The following GRIP1 variants were observed in gnomAD, a reference collection of about 807,000 sequenced individuals.
GRIP1 encodes glutamate receptor interacting protein 1.
GRIP1 carries 45 observed loss-of-function variants against 129.9 expected under a neutral mutation model. The ratio of observed to expected loss-of-function variants is 0.35; its 90% CI spans 0.27 to 0.44. GRIP1 has a LOEUF of 0.44. GRIP1 is among the 20% of genes least tolerant of loss of function. The probability of loss-of-function intolerance (pLI) is 1.00; values close to 1 mark genes in which losing one functional copy is unlikely to be tolerated. For synonymous variants in GRIP1, 530 were observed against 520.8 expected (o/e 1.02, Z -0.24); for missense variants, 1,196 against 1,396.8 (o/e 0.86, Z 2.29).
At chr12:66,439,291 T>C (rs2058404300) in intron 13 of GRIP1, among the ~76,000 whole-genome samples, 1 of 152,186 alleles carries the variant, frequency 6.6e-6, no homozygotes, top group Non-Finnish European at 1.5e-5. Flanking sequence ...CACTCCACTT[T>C]TACAAATCAC....
At chr12:66,544,949 T>C (rs754194558) in intron 2 of GRIP1, among the ~76,000 whole-genome samples, 7 of 152,194 alleles carry the variant, frequency 4.6e-5, no homozygotes, top group Non-Finnish European at 8.8e-5. Flanking sequence ...GAACAAACAC[T>C]GTGGTAAAAC....
chr12:66,725,918 T>C (rs1358670188), intron 1 of GRIP1, among the ~76,000 whole-genome samples: 1 of 152,136 alleles, frequency 6.6e-6, no homozygotes, highest in Non-Finnish European at 1.5e-5. Context: ...ACCCCTTCTT[T>C]TAAAAGGAAA....
At chr12:66,450,051 A>G (rs1371457345) in intron 11 of GRIP1, among the ~76,000 whole-genome samples, 1 of 152,060 alleles carries the variant, frequency 6.6e-6, no homozygotes, top group Non-Finnish European at 1.5e-5. Context: ...CTGTAATCCC[A>G]GCACTTTGGG....
At chr12:66,734,418 T>C (rs1018187165) in intron 1 of GRIP1, among the ~76,000 whole-genome samples, 23 of 152,286 alleles carry the variant, frequency 1.5e-4, no homozygotes, top group African/African-American at 5.5e-4. Context: ...TTCAGGTCTA[T>C]GAACTGTCAG....
chr12:66,770,522 T>C (rs1758400254), intron 1 of GRIP1, among the ~76,000 whole-genome samples: 3 of 152,198 alleles, frequency 2.0e-5, no homozygotes, highest in East Asian at 1.9e-4. Context: ...AAAAAGATTA[T>C]GGGAAATAGC....
intron 1 of GRIP1, among the ~76,000 whole-genome samples, chr12:66,689,498 A>G (rs1323318572): frequency 6.6e-6 from 1 of 152,202 alleles, no homozygotes; most frequent in Non-Finnish European, 1.5e-5. Flanking sequence ...TTCAAAAGGC[A>G]TATGCAGGAG....
intron 1 of GRIP1, among the ~76,000 whole-genome samples, chr12:66,854,054 C>A (rs2039960977): frequency 6.6e-6 from 1 of 151,894 alleles, no homozygotes; most frequent in African/African-American, 2.4e-5. Flanking sequence ...AATTTATGAG[C>A]AGGAGATTTA....
chr12:66,760,029 T>A (rs1311856673), intron 1 of GRIP1, among the ~76,000 whole-genome samples: 1 of 152,108 alleles, frequency 6.6e-6, no homozygotes, highest in Non-Finnish European at 1.5e-5. Flanking sequence ...TAAGTTTTTG[T>A]GTTTTTAGTA....
chr12:66,880,571 A>C (rs1342022160), intron 1 of GRIP1, among the ~76,000 whole-genome samples: 1 of 152,128 alleles, frequency 6.6e-6, no homozygotes, highest in Non-Finnish European at 1.5e-5. Context: ...TATTTATTTT[A>C]AAATTATTTA....
chr12:66,781,281 T>C (rs149579363), intron 1 of GRIP1, among the ~76,000 whole-genome samples: 86 of 152,346 alleles, frequency 5.6e-4, no homozygotes, highest in African/African-American at 2.0e-3. Context: ...ATGGCATCTC[T>C]TGCTAGAAAA....
At chr12:66,751,926 A>C (rs748314860) in intron 1 of GRIP1, among the ~76,000 whole-genome samples, 1 of 152,146 alleles carries the variant, frequency 6.6e-6, no homozygotes, top group Non-Finnish European at 1.5e-5. Context: ...ACCTTGCTGC[A>C]ATTTCAAATA....
chr12:66,473,557 C>T (rs1454310935), intron 7 of GRIP1, among the ~76,000 whole-genome samples: 2 of 152,172 alleles, frequency 1.3e-5, no homozygotes, highest in Non-Finnish European at 2.9e-5. Flanking sequence ...CAGCAGGGGT[C>T]GACAGACACC....
intron 1 of GRIP1, among the ~76,000 whole-genome samples, chr12:67,047,681 T>C (rs755618634): frequency 6.6e-6 from 1 of 152,224 alleles, no homozygotes; most frequent in Non-Finnish European, 1.5e-5. Context: ...ACCGAAGCAC[T>C]GCACATTTAG....
intron 1 of GRIP1, among the ~76,000 whole-genome samples, chr12:66,764,694 GTT>G (rs1367119099): frequency 2.0e-5 from 3 of 152,222 alleles, no homozygotes; most frequent in South Asian, 4.2e-4. Context: ...GGGAGTTTGT[GTT>G]TTCTCTCCCT....
intron 1 of GRIP1, among the ~76,000 whole-genome samples, chr12:66,779,289 AATC>A (rs1202110147): frequency 1.3e-5 from 2 of 152,192 alleles, no homozygotes; most frequent in African/African-American, 2.4e-5. Context: ...TGAAAATAAA[AATC>A]ATGTGTAATG....
intron 1 of GRIP1, among the ~76,000 whole-genome samples, chr12:66,929,097 A>G (rs1237190573): frequency 6.6e-6 from 1 of 152,224 alleles, no homozygotes; most frequent in African/African-American, 2.4e-5. Flanking sequence ...GTCTCTCCAA[A>G]TGCTTCTTCC....
chr12:66,876,312 TA>T (rs1359087975), intron 1 of GRIP1, among the ~76,000 whole-genome samples: 1 of 151,990 alleles, frequency 6.6e-6, no homozygotes, highest in African/African-American at 2.4e-5. Context: ...AGCTCTCCTC[TA>T]AAAAATGCTT....
chr12:66,643,682 A>G (rs924268339), intron 1 of GRIP1, among the ~76,000 whole-genome samples: 1 of 152,068 alleles, frequency 6.6e-6, no homozygotes, highest in South Asian at 2.1e-4. Context: ...CTCCCACCTC[A>G]GCCTCCCAGT....
upstream of GRIP1, among the ~76,000 whole-genome samples, chr12:66,683,900 A>G (rs528083209): frequency 6.6e-6 from 1 of 152,348 alleles, no homozygotes; most frequent in East Asian, 1.9e-4. Flanking sequence ...GGTATGTCCA[A>G]CTGTTTATGG....
Sources: gnomAD v4.1 joint callset for allele counts (sites outside exome capture counted in the v4.1 genomes callset) on GRCh38, gnomAD v4.1.1 for gene constraint, MANE v1.5 for transcripts, NCBI Gene and HGNC (gene_info 2026-07-23, HGNC 2026-07-21) for gene names.